Variants in CPLANE1 observed in about 807,000 individuals in gnomAD.
CPLANE1 encodes ciliogenesis and planar polarity effector complex subunit 1.
CPLANE1 carries 263 observed loss-of-function variants against 362.5 expected under a neutral mutation model. That is an observed-to-expected ratio of 0.73 (90% CI 0.66 to 0.80). The LOEUF (loss-of-function observed/expected upper bound fraction) is 0.80, where lower values mean the gene tolerates loss of function less well. Ranked by LOEUF, CPLANE1 falls within the 30% of genes least tolerant of loss-of-function variation. The probability of loss-of-function intolerance (pLI) is 0.00; values close to 1 mark genes in which losing one functional copy is unlikely to be tolerated. For synonymous variants in CPLANE1, 1,212 were observed against 1,302.6 expected (o/e 0.93, Z 1.50); for missense variants, 3,461 against 3,793.4 (o/e 0.91, Z 2.30).
At chr5:37,121,199 G>A (rs1415312219) in intron 49 of CPLANE1, among the ~76,000 whole-genome samples, 2 of 152,168 alleles carry the variant, frequency 1.3e-5, no homozygotes, top group African/African-American at 4.8e-5. Context: ...GCATAACTGG[G>A]CAGGTCTGGG....
chr5:37,212,505 AAAAAG>A (rs1425284944), intron 16 of CPLANE1: 5 of 593,670 alleles, frequency 8.4e-6, no homozygotes, highest in African/African-American at 1.9e-5. Flanking sequence ...CAAAAAAAAA[AAAAAG>A]AAAGAAACTA....
chr5:37,194,527 T>C (rs1036122269), intron 21 of CPLANE1, among the ~76,000 whole-genome samples: 10 of 152,058 alleles, frequency 6.6e-5, no homozygotes, highest in Admixed American at 5.2e-4. Flanking sequence ...GAAGAGTCTA[T>C]GAAACTAAGC....
At chr5:37,197,533 G>C (rs1169048470) in intron 20 of CPLANE1, among the ~76,000 whole-genome samples, 1 of 152,154 alleles carries the variant, frequency 6.6e-6, no homozygotes, top group Non-Finnish European at 1.5e-5. Context: ...TAGCCCCGCT[G>C]CCACCTTGAT....
At chr5:37,144,443 T>C (rs1344994078) in intron 43 of CPLANE1, among the ~76,000 whole-genome samples, 2 of 149,634 alleles carry the variant, frequency 1.3e-5, no homozygotes, top group Non-Finnish European at 3.0e-5. Context: ...GAAGCAACTG[T>C]GGGCAACAAT....
chr5:37,148,339 G>C, intron 42 of CPLANE1, 71 bp from the exon 43 acceptor site: 1 of 1,179,506 alleles, frequency 8.5e-7, no homozygotes, highest in Admixed American at 2.1e-5. Flanking sequence ...ACAGTTTTAT[G>C]TAAGTTTTAA....
intron 21 of CPLANE1, among the ~76,000 whole-genome samples, chr5:37,192,457 T>C (rs1242086098): frequency 2.6e-5 from 4 of 152,214 alleles, no homozygotes; most frequent in Non-Finnish European, 5.9e-5. Flanking sequence ...CAAAATTGTC[T>C]AATGACACAT....
intron 36 of CPLANE1, 130 bp from the exon 37 acceptor site, chr5:37,164,457 TA>T: frequency 3.2e-6 from 2 of 631,762 alleles, no homozygotes; most frequent in Non-Finnish European, 5.6e-6. Flanking sequence ...TAGACATAAG[TA>T]TTCTATCAAA....
intron 44 of CPLANE1, chr5:37,142,063 T>C (rs898447017): frequency 2.2e-6 from 2 of 905,606 alleles, no homozygotes; most frequent in Non-Finnish European, 2.7e-6. Flanking sequence ...GTAATTCCAG[T>C]TGCTATATAT....
intron 21 of CPLANE1, among the ~76,000 whole-genome samples, chr5:37,194,640 A>G (rs1266858314): frequency 6.6e-6 from 1 of 150,488 alleles, no homozygotes; most frequent in Non-Finnish European, 1.5e-5. Context: ...ACTAAGGGTG[A>G]GTGAGTTAAG....
At chr5:37,089,738 A>G in the CPLANE1 span, among the ~76,000 whole-genome samples, 25,971 of 152,192 alleles carry the variant, frequency 0.17, 2,461 homozygotes, top group African/African-American at 0.24. Context: ...TGATTCCCCT[A>G]GCAGAACAGG....
the CPLANE1 span, among the ~76,000 whole-genome samples, chr5:37,090,154 C>G: frequency 6.6e-6 from 1 of 152,060 alleles, no homozygotes; most frequent in Admixed American, 6.5e-5. Context: ...GATATTTAAC[C>G]CCTGCAGCAA....
Position 37,164,300 on chromosome 5 carries a change from G to T in CPLANE1, c.7561C>A (p.Pro2521Thr). The change falls in exon 37 of 53, where the codon CCT becomes ACT. Residue 2521 changes from proline to threonine, a missense_variant. Around this residue, in one of 2 missense-constraint regions of CPLANE1, gnomAD observed 3,380 missense variants for 3,666.1 expected, o/e 0.92. Coordinates refer to ENST00000651892, the MANE Select transcript of CPLANE1 (RefSeq NM_001384732.1). ...AAAGGAACGTCGAAGTCATCCAAAG[G>T]ATGGGAACCACAATGTTCTTGTTGT... ...KEQQEHCGSHPLDDFDVPFEM... is the reference protein window; with the variant it reads ...KEQQEHCGSHTLDDFDVPFEM... 6.2e-7 allele frequency: 1 copy of T among 1,612,904 alleles called. No homozygotes were observed.
rs369361493 is a variant in CPLANE1, at chr5:37,168,870, G to A, written c.7154C>T (p.Thr2385Ile). 4.5e-5 allele frequency: 73 copies of A among 1,613,998 alleles called. No individual in the cohort carries two copies. Among genetic ancestry groups the A allele is most frequent in the East Asian group, 1.1e-4 (5 of 44,882 alleles). Residue 2385 changes from threonine (T) to isoleucine (I), a missense_variant, in exon 34 of 53, where the codon ACA (threonine) becomes ATA (isoleucine). By Grantham distance (89) the Thr-to-Ile change is moderately conservative. Transcript: ENST00000651892. ...TSRASITVPS[T>I]PIQPIAEERK... is the part of the protein sequence containing the mutation. ...TTCTTCTGCTATAGGTTGGATAGGT[G>A]TTGAGGGAACTGTAATAGATGCTCT...
At chr5:37,119,006 C>T (rs1220390176) in intron 50 of CPLANE1, among the ~76,000 whole-genome samples, 3 of 152,026 alleles carry the variant, frequency 2.0e-5, no homozygotes, top group African/African-American at 7.2e-5. Flanking sequence ...GCCACCGCGC[C>T]GGGCCTATTT....
intron 45 of CPLANE1, 109 bp downstream of exon 45, chr5:37,139,230 TA>T: frequency 9.1e-7 from 1 of 1,095,818 alleles, no homozygotes; most frequent in Non-Finnish European, 1.3e-6. Context: ...TATATTCCTT[TA>T]AACCACAAAG....
intron 50 of CPLANE1, among the ~76,000 whole-genome samples, chr5:37,115,697 A>G (rs1220095553): frequency 6.6e-6 from 1 of 151,298 alleles, no homozygotes; most frequent in Non-Finnish European, 1.5e-5. Context: ...CCCAGGGTCA[A>G]ATGATTCCCC....
intron 30 of CPLANE1, among the ~76,000 whole-genome samples, chr5:37,176,730 C>A (rs1280873797): frequency 6.7e-6 from 1 of 150,224 alleles, no homozygotes; most frequent in Admixed American, 6.6e-5. Flanking sequence ...AATTTGCATA[C>A]TGAACAGAAA....
At chr5:37,098,990 T>TA in the CPLANE1 span, among the ~76,000 whole-genome samples, 3 of 135,804 alleles carry the variant, frequency 2.2e-5, no homozygotes, top group Admixed American at 7.2e-5. Flanking sequence ...CTTAAGGAAC[T>TA]AAAAAATGCA....
At chr5:37,169,667 T>C in intron 33 of CPLANE1, 106 bp from the exon 34 acceptor site, 1 of 671,622 alleles carries the variant, frequency 1.5e-6, no homozygotes, top group East Asian at 3.6e-5. Flanking sequence ...TAGTAACTGC[T>C]AAAAAAAAAA....
Sources: gnomAD v4.1 joint callset for allele counts (sites outside exome capture counted in the v4.1 genomes callset) on GRCh38, gnomAD v4.1.1 for gene constraint, gnomAD v4.1.1 regional missense constraint, MANE v1.5 for transcripts, NCBI Gene and HGNC (gene_info 2026-07-23, HGNC 2026-07-21) for gene names.